Variants in TRHR observed in about 807,000 individuals in gnomAD.
TRHR encodes thyrotropin-releasing hormone receptor.
In TRHR, 14 loss-of-function variants were observed where a neutral mutation model predicts 28.0. The ratio of observed to expected loss-of-function variants is 0.50; its 90% CI spans 0.33 to 0.78. TRHR has a LOEUF of 0.78. Ranked by LOEUF, TRHR falls within the 30% of genes least tolerant of loss-of-function variation. The pLI is 0.02. For synonymous variants in TRHR, 176 were observed against 171.9 expected (o/e 1.02, Z -0.18); for missense variants, 438 against 469.5 (o/e 0.93, Z 0.62).
At chr8:109,109,606 T>C (rs1240882928) in intron 2 of TRHR, among the ~76,000 whole-genome samples, 2 of 152,158 alleles carry the variant, frequency 1.3e-5, no homozygotes, top group Non-Finnish European at 2.9e-5. Context: ...CCATTCTAGA[T>C]TAAAATGTGT....
intron 2 of TRHR, among the ~76,000 whole-genome samples, chr8:109,113,335 C>T (rs1811868119): frequency 1.3e-5 from 2 of 152,010 alleles, no homozygotes; most frequent in African/African-American, 4.8e-5. Flanking sequence ...CTGTGGCCTC[C>T]CTCTCAAAAA....
chr8:109,113,499 T>C (rs1811871079), intron 2 of TRHR, among the ~76,000 whole-genome samples: 1 of 152,080 alleles, frequency 6.6e-6, no homozygotes, highest in Non-Finnish European at 1.5e-5. Flanking sequence ...CCTAAGGAGC[T>C]GTGACACCTA....
In TRHR at chr8:109,121,000, A is replaced by G. The variant is rs988689499; in HGVS notation, c.*1545A>G. Among the ~76,000 whole-genome samples, 5 of 151,466 alleles carry G rather than the reference A, an allele frequency of 3.3e-5. No individual in the cohort carries two copies. The highest frequency in any genetic ancestry group is 3.0e-5 in the Non-Finnish European group (2 of 67,724). On this transcript the variant is annotated 3_prime_UTR_variant, in exon 3 of 3. Coordinates refer to ENST00000518632, the MANE Select transcript of TRHR (RefSeq NM_003301.7). ...TTATGCCTCCCCATCTTCTTAATGAAGAATATACCATTCTTCTGAAACTTG... is the reference window on the plus strand; with the variant it reads ...TTATGCCTCCCCATCTTCTTAATGAGGAATATACCATTCTTCTGAAACTTG...
intron 2 of TRHR, among the ~76,000 whole-genome samples, chr8:109,105,408 A>C (rs1364793087): frequency 6.6e-6 from 1 of 152,184 alleles, no homozygotes; most frequent in East Asian, 1.9e-4. Context: ...TGTGACAATT[A>C]AATTCATTCA....
chr8:109,113,506 C>T (rs541578331), intron 2 of TRHR, among the ~76,000 whole-genome samples: 3 of 152,128 alleles, frequency 2.0e-5, no homozygotes, highest in East Asian at 3.9e-4. Flanking sequence ...AGCTGTGACA[C>T]CTAAGATAAT....
intron 2 of TRHR, among the ~76,000 whole-genome samples, chr8:109,090,477 AGTTAGC>A (rs1811502123): frequency 6.6e-6 from 1 of 152,250 alleles, no homozygotes; most frequent in Non-Finnish European, 1.5e-5. Flanking sequence ...CACCACTGTC[AGTTAGC>A]CTCCAAGAAT....
Position 109,088,061 on chromosome 8 carries a change from C to T in TRHR, c.549C>T (p.Ile183=). 3.1e-6 allele frequency: 5 copies of T among 1,614,126 alleles called. No homozygotes were observed. Among genetic ancestry groups the T allele is most frequent in the Non-Finnish European group, 4.2e-6 (5 of 1,180,030 alleles). ...DAIVISCGYK[I]SRNYYSPIYL... ...TTGTGATATCCTGTGGCTACAAGAT[C>T]TCCAGGAATTACTACTCACCTATTT... Residue 183 remains isoleucine (I), a synonymous_variant, in exon 2 of 3, where the codon ATC becomes ATT. Coordinates refer to ENST00000518632, the MANE Select transcript of TRHR (RefSeq NM_003301.7).
intron 2 of TRHR, 130 bp from the exon 3 acceptor site, chr8:109,118,918 T>A: frequency 8.7e-7 from 1 of 1,152,348 alleles, no homozygotes; most frequent in Non-Finnish European, 1.3e-6. Context: ...ACCTCCCCAA[T>A]AAATGACCTG....
At chr8:109,117,284 C>A (rs746212250) in intron 2 of TRHR, among the ~76,000 whole-genome samples, 6 of 151,868 alleles carry the variant, frequency 4.0e-5, no homozygotes, top group Non-Finnish European at 8.8e-5. Flanking sequence ...AGATTTGAAT[C>A]ACAGCTCTGT....
At chr8:109,114,591 T>A (rs1041024029) in intron 2 of TRHR, among the ~76,000 whole-genome samples, 1 of 152,098 alleles carries the variant, frequency 6.6e-6, no homozygotes, top group Admixed American at 6.6e-5. Context: ...CTTCATTACA[T>A]GGTCTGCAAT....
At chr8:109,108,352 T>C (rs1811782470) in intron 2 of TRHR, among the ~76,000 whole-genome samples, 1 of 152,176 alleles carries the variant, frequency 6.6e-6, no homozygotes, top group South Asian at 2.1e-4. Context: ...GAATCACTTA[T>C]CTGTGTCTCT....
At chr8:109,106,330 C>T (rs963352952) in intron 2 of TRHR, among the ~76,000 whole-genome samples, 6 of 152,128 alleles carry the variant, frequency 3.9e-5, no homozygotes, top group African/African-American at 1.4e-4. Flanking sequence ...GAATACCTGT[C>T]AAACTGAGCT....
chr8:109,118,134 A>T (rs1811946431), intron 2 of TRHR, among the ~76,000 whole-genome samples: 1 of 151,878 alleles, frequency 6.6e-6, no homozygotes. Flanking sequence ...ATTCAAGCTC[A>T]CTTGGACAGT....
At chr8:109,095,707 A>G (rs1208849169) in intron 2 of TRHR, among the ~76,000 whole-genome samples, 1 of 152,170 alleles carries the variant, frequency 6.6e-6, no homozygotes, top group South Asian at 2.1e-4. Context: ...ACCAAATCCA[A>G]TAGGTCTAAA....
intron 2 of TRHR, 54 bp downstream of exon 2, chr8:109,088,355 T>C: frequency 1.3e-6 from 2 of 1,585,408 alleles, no homozygotes; most frequent in Non-Finnish European, 1.7e-6. Context: ...TAGAGTTCCT[T>C]GGAGATGGGA....
rs760044523 is a variant in TRHR, at chr8:109,087,759, A to G, written c.247A>G (p.Ile83Val). The G allele has an allele frequency of 1.5e-5, 24 of 1,614,042 alleles. No homozygotes were observed. In the Admixed American group the frequency reaches 3.3e-4, roughly 22 times the overall value. Residue 83 changes from isoleucine to valine, a missense_variant, in exon 2 of 3, where the codon ATA becomes GTA. By Grantham distance (29) the Ile-to-Val change is conservative. Coordinates refer to ENST00000518632, the MANE Select transcript of TRHR (RefSeq NM_003301.7). ...MVLVAAGLPNITDSIYGSWVY... is the reference protein window; with the variant it reads ...MVLVAAGLPNVTDSIYGSWVY... The stretch of plus-strand genomic sequence containing the variant: ...CTTGGTGGCCGCAGGCCTCCCCAAC[A>G]TAACAGACAGTATCTACGGTTCCTG...
intron 2 of TRHR, among the ~76,000 whole-genome samples, chr8:109,095,271 G>T (rs1811572027): frequency 6.6e-6 from 1 of 152,072 alleles, no homozygotes; most frequent in African/African-American, 2.4e-5. Context: ...CTATGAGAGA[G>T]AACGTGGCAT....
intron 2 of TRHR, among the ~76,000 whole-genome samples, chr8:109,107,080 T>A (rs771576885): frequency 3.3e-5 from 5 of 152,172 alleles, no homozygotes; most frequent in Non-Finnish European, 7.4e-5. Context: ...CTGTTTTTCT[T>A]CAGTTGTATA....
At chr8:109,114,594 T>C (rs1010136145) in intron 2 of TRHR, among the ~76,000 whole-genome samples, 1 of 152,080 alleles carries the variant, frequency 6.6e-6, no homozygotes, top group Non-Finnish European at 1.5e-5. Flanking sequence ...CATTACATGG[T>C]CTGCAATTGG....
Sources: allele counts gnomAD v4.1 joint callset (sites outside exome capture counted in the v4.1 genomes callset), GRCh38; gene constraint gnomAD v4.1.1; transcripts MANE v1.5; gene names NCBI Gene and HGNC (gene_info 2026-07-23, HGNC 2026-07-21).